Variants in UNC13B observed in about 807,000 individuals in gnomAD.
The protein encoded by UNC13B is unc-13 homolog B.
UNC13B carries 144 observed loss-of-function variants against 211.0 expected under a neutral mutation model. That is an observed-to-expected ratio of 0.68 (90% CI 0.60 to 0.78). The LOEUF is 0.78. UNC13B is among the 30% of genes least tolerant of loss of function. UNC13B has a pLI of 0.00. For synonymous variants in UNC13B, 709 were observed against 725.8 expected, an observed-to-expected ratio of 0.98 and a Z score of 0.37; for missense variants, 1,777 against 2,002.0, an observed-to-expected ratio of 0.89 and a Z score of 2.14.
chr9:35,350,298 G>A (rs1832631832), intron 11 of UNC13B, among the ~76,000 whole-genome samples: 1 of 152,146 alleles, frequency 6.6e-6, no homozygotes, highest in African/African-American at 2.4e-5. Context: ...TACCTTATTG[G>A]AGAAGAGTAA....
intron 10 of UNC13B, among the ~76,000 whole-genome samples, chr9:35,313,580 A>G (rs528648127): frequency 1.3e-5 from 2 of 151,878 alleles, no homozygotes; most frequent in Middle Eastern, 3.4e-3. Context: ...AGCCGTGATC[A>G]TGCCACAGCA....
intron 6 of UNC13B, among the ~76,000 whole-genome samples, chr9:35,257,846 A>G (rs1827025375): frequency 6.6e-6 from 1 of 152,136 alleles, no homozygotes; most frequent in Admixed American, 6.5e-5. Flanking sequence ...TGTTACGTAC[A>G]ACACCATCAA....
At chr9:35,353,096 A>C (rs1832821973) in intron 11 of UNC13B, 1 of 1,232,198 alleles carries the variant, frequency 8.1e-7, no homozygotes, top group Non-Finnish European at 1.0e-6. Context: ...GAGCTGTGAC[A>C]GCATGATGGA....
intron 1 of UNC13B, among the ~76,000 whole-genome samples, chr9:35,189,060 A>T (rs1476665249): frequency 1.3e-5 from 2 of 152,220 alleles, no homozygotes; most frequent in Non-Finnish European, 2.9e-5. Flanking sequence ...TAATTTTTAC[A>T]ATCTTTCTGT....
chr9:35,172,398 G>A (rs867316054), intron 1 of UNC13B, among the ~76,000 whole-genome samples: 4 of 151,638 alleles, frequency 2.6e-5, no homozygotes, highest in African/African-American at 9.7e-5. Context: ...CTGAACTATC[G>A]AATACTAGAT....
chr9:35,267,279 T>C (rs374938351), intron 7 of UNC13B, among the ~76,000 whole-genome samples: 2 of 152,166 alleles, frequency 1.3e-5, no homozygotes, highest in African/African-American at 4.8e-5. Context: ...AAAGTGAGCC[T>C]CTGGTCCTAT....
intron 11 of UNC13B, among the ~76,000 whole-genome samples, chr9:35,346,336 T>C (rs901169488): frequency 3.9e-5 from 6 of 152,176 alleles, no homozygotes; most frequent in African/African-American, 1.4e-4. Context: ...GGTTGTTTCC[T>C]CTAAGCCAGA....
chr9:35,254,806 T>A (rs1275745216), intron 6 of UNC13B, among the ~76,000 whole-genome samples: 1 of 147,172 alleles, frequency 6.8e-6, no homozygotes, highest in Non-Finnish European at 1.5e-5. Context: ...AGGTTTTGCA[T>A]CTTTAAATTA....
intron 3 of UNC13B, among the ~76,000 whole-genome samples, chr9:35,235,437 TC>T (rs979717530): frequency 6.6e-6 from 1 of 150,702 alleles, no homozygotes; most frequent in African/African-American, 2.4e-5. Flanking sequence ...CTTTCATAAA[TC>T]CCCCCCGCCC....
intron 4 of UNC13B, 77 bp from the exon 5 acceptor site, chr9:35,237,626 A>G: frequency 1.9e-6 from 3 of 1,572,282 alleles, no homozygotes; most frequent in Non-Finnish European, 2.6e-6. Context: ...AAGGAACTTC[A>G]GAGAAAAAAA....
chr9:35,207,071 C>G (rs1823697082), intron 1 of UNC13B, among the ~76,000 whole-genome samples: 1 of 152,120 alleles, frequency 6.6e-6, no homozygotes, highest in African/African-American at 2.4e-5. Flanking sequence ...GTGGCTGTAT[C>G]ATTGTGGATT....
At position 35,184,633 on chromosome 9, in the gene UNC13B, G is replaced by A. The variant is rs564692684; in HGVS notation, c.22+22328G>A. 3.9e-5 allele frequency among the ~76,000 whole-genome samples: 6 copies of A among 152,182 alleles called. No homozygotes were observed. In the South Asian group the frequency reaches 8.3e-4, roughly 21 times the overall value. ...TGAGGCAGGAGAACCACGGGAGCCC[G>A]GGGCAGGGAGGCTACAGGGAGCCAA... is the stretch of plus-strand genomic sequence containing the variant. On this transcript the variant is annotated intron_variant, in intron 1 of 39. Coordinates refer to ENST00000635942, the MANE Select transcript of UNC13B (RefSeq NM_001371189.2).
chr9:35,403,582 C>T lies in UNC13B; in HGVS notation c.12720C>T (p.Tyr4240=). The change falls in exon 39 of 40, where the codon TAC becomes TAT. Residue 4240 remains tyrosine (Y), a synonymous_variant. Transcript: ENST00000635942. The part of the protein sequence containing the change: ...KSKSNNWAPK[Y]NETFHFLLGN... ...AAAGCAACAACTGGGCCCCCAAGTA[C>T]AATGAGACATTCCACTTGTAAGTTA... 1 of 1,596,944 alleles carries T rather than the reference C, an allele frequency of 6.3e-7. No individual in the cohort carries two copies.
intron 4 of UNC13B, 54 bp from the exon 5 acceptor site, chr9:35,237,649 A>T: frequency 6.3e-7 from 1 of 1,596,122 alleles, no homozygotes; most frequent in Admixed American, 1.9e-5. Flanking sequence ...TGACTCTTGA[A>T]CTAAGAGGGA....
chr9:35,258,264 G>A (rs1827050502), intron 6 of UNC13B, among the ~76,000 whole-genome samples: 2 of 152,160 alleles, frequency 1.3e-5, no homozygotes, highest in Admixed American at 1.3e-4. Flanking sequence ...CCCTGAACCA[G>A]ACTATTCTCA....
At chr9:35,192,236 A>G (rs1208016384) in intron 1 of UNC13B, among the ~76,000 whole-genome samples, 1 of 152,218 alleles carries the variant, frequency 6.6e-6, no homozygotes, top group Non-Finnish European at 1.5e-5. Context: ...GAAAAATACC[A>G]TAGAAAAGTC....
At chr9:35,382,720 G>A (rs1322465295) in intron 21 of UNC13B, among the ~76,000 whole-genome samples, 1 of 151,920 alleles carries the variant, frequency 6.6e-6, no homozygotes, top group Non-Finnish European at 1.5e-5. Context: ...CCGCCACCAC[G>A]CCCGGATAAT....
At chr9:35,369,107 C>T (rs1833958849) in intron 12 of UNC13B, among the ~76,000 whole-genome samples, 1 of 152,172 alleles carries the variant, frequency 6.6e-6, no homozygotes, top group Admixed American at 6.5e-5. Flanking sequence ...AAGCCTACTG[C>T]CTATGTTCAG....
At chr9:35,377,426 T>G in intron 15 of UNC13B, 42 bp from the exon 16 acceptor site, 1 of 1,603,668 alleles carries the variant, frequency 6.2e-7, no homozygotes. Flanking sequence ...AGCTCAACCC[T>G]TGGTCTGGTA....
Sources: allele counts gnomAD v4.1 joint callset (sites outside exome capture counted in the v4.1 genomes callset), GRCh38; gene constraint gnomAD v4.1.1; transcripts MANE v1.5; gene names NCBI Gene and HGNC (gene_info 2026-07-23, HGNC 2026-07-21).